GGT7: variants seen among roughly 807,000 people sequenced by gnomAD.
GGT7 encodes glutathione hydrolase 7.
In GGT7, 30 loss-of-function variants were observed where a neutral mutation model predicts 69.2. The observed-to-expected ratio is 0.43, with a 90% CI of 0.32 to 0.59. The LOEUF is 0.59. GGT7 is among the 20% of genes least tolerant of loss of function. The probability of loss-of-function intolerance (pLI) is 0.05; values close to 1 mark genes in which losing one functional copy is unlikely to be tolerated. For synonymous variants in GGT7, 388 were observed against 391.8 expected (o/e 0.99, Z 0.12); for missense variants, 733 against 901.1 (o/e 0.81, Z 2.39).
chr20:34,861,704 C>G, intron 3 of GGT7, 142 bp from the exon 4 acceptor site: 1 of 466,650 alleles, frequency 2.1e-6, no homozygotes, highest in Non-Finnish European at 3.7e-6. Flanking sequence ...CCCTCCCCAG[C>G]ATGGATTCAC....
At chr20:34,866,066 T>C (rs2079685237) in intron 1 of GGT7, among the ~76,000 whole-genome samples, 1 of 152,216 alleles carries the variant, frequency 6.6e-6, no homozygotes, top group Non-Finnish European at 1.5e-5. Context: ...ATAATAAACA[T>C]CTAAGCTCCT....
At chr20:34,861,343 T>TC in intron 4 of GGT7, 102 bp downstream of exon 4, 1 of 533,912 alleles carries the variant, frequency 1.9e-6, no homozygotes, top group South Asian at 4.0e-5. Context: ...CAACTCTTTT[T>TC]CCCACTCCCC....
Position 34,854,512 on chromosome 20 carries a change from G to A in GGT7, c.1319+19C>T, listed in dbSNP as rs758922429. 15 of 1,513,884 alleles carry A rather than the reference G, an allele frequency of 9.9e-6. No homozygotes were observed. The Admixed American group carries it at 2.5e-4, about 25-fold the overall frequency. The allele number at this position is 1,513,884 out of a possible 1,614,324, so 93.8% of individuals were successfully genotyped here. A position where few individuals can be genotyped will look rare whatever the true frequency, so the allele number is the denominator to read the frequency against. On this transcript the variant is annotated intron_variant, in intron 10 of 14. Transcript: ENST00000336431. ...CCCACCGCTGCCTCTGTAGCCCCCA[G>A]GTCCTGCCCAAGACCCACCTGAGCA...
rs1267262567 is a variant in GGT7, at chr20:34,859,954, C to G, written c.817+15G>C. On this transcript the variant is annotated intron_variant, in intron 6 of 14. Coordinates refer to ENST00000336431, the MANE Select transcript of GGT7 (RefSeq NM_178026.3). ...TCAACCTCATGTCTCTCCCAAATCC[C>G]CAGGCCCCACTGACCTAGATCATGA... The G allele has an allele frequency of 2.0e-6, 3 of 1,519,128 alleles. No individual in the cohort carries two copies. Among genetic ancestry groups the G allele is most frequent in the South Asian group, 1.2e-5 (1 of 83,620 alleles). The allele number at this position is 1,519,128 out of a possible 1,614,324, so 94.1% of individuals were successfully genotyped here.
At chr20:34,871,040 C>T (rs779164956) in intron 1 of GGT7, among the ~76,000 whole-genome samples, 8 of 152,154 alleles carry the variant, frequency 5.3e-5, no homozygotes, top group Non-Finnish European at 1.2e-4. Flanking sequence ...GATCCACCCA[C>T]CTCAGGCATG....
chr20:34,852,030 CTCT>C (rs2079402435), intron 12 of GGT7, 122 bp downstream of exon 12: 3 of 717,070 alleles, frequency 4.2e-6, no homozygotes, highest in South Asian at 1.6e-5. Flanking sequence ...TGAGGTGAAC[CTCT>C]TCTTTAGGCT....
Position 34,852,398 on chromosome 20 carries a change from G to A in GGT7, c.1460C>T (p.Ala487Val). 1.9e-6 allele frequency: 3 copies of A among 1,614,092 alleles called. No individual in the cohort carries two copies. The highest frequency in any genetic ancestry group is 2.5e-6 in the Non-Finnish European group (3 of 1,180,016). Reference sequence around the variant, plus strand: ...GTCTGAGCTGGCATACCTAACCATGGCCACAATGAAGTCATCAGGTCCCAT... The same window carrying A: ...GTCTGAGCTGGCATACCTAACCATGACCACAATGAAGTCATCAGGTCCCAT... ...LIMGPDDFIV[A>V]MVSSLNQPFG... Residue 487 changes from alanine to valine, a missense_variant, in exon 11 of 15, where the codon GCC becomes GTC. Ala to Val is a moderately conservative substitution (Grantham distance 64). Coordinates refer to ENST00000336431, the MANE Select transcript of GGT7 (RefSeq NM_178026.3).
In GGT7 at chr20:34,852,535, C is replaced by A; in HGVS notation, c.1323G>T (p.Lys441Asn). The A allele has an allele frequency of 6.3e-7, 1 of 1,575,924 alleles. No individual in the cohort carries two copies. Among genetic ancestry groups the A allele is most frequent in the Non-Finnish European group, 8.6e-7 (1 of 1,162,086 alleles). Residue 441 changes from lysine to asparagine, a missense_variant, in exon 11 of 15, where the codon AAG becomes AAT. Transcript: ENST00000336431. ...GGCCCCGGAGGTAGGCGGCCTCCAC[C>A]TTGCTGAAAAGACAAGGGGTGGGAG... is the stretch of plus-strand genomic sequence containing the variant. ...ITESMDDMLS[K>N]VEAAYLRGHI...
chr20:34,845,153 A>ACCACCACCACCAC lies in GGT7; in HGVS notation c.*174_*175insGTGGTGGTGGTGG. On this transcript the variant is annotated 3_prime_UTR_variant, in exon 15 of 15. Transcript: ENST00000336431. ...CACCACCACCACCACCACCACCACC[A>ACCACCACCACCAC]CAGGCCTCCTGATGGAGAATTTTCC... 1 of 283,586 alleles carries ACCACCACCACCAC rather than the reference A, an allele frequency of 3.5e-6. No homozygotes were observed. The highest frequency in any genetic ancestry group is 6.8e-6 in the Non-Finnish European group (1 of 147,638). The allele number at this position is 283,586 out of a possible 1,614,324, so 17.6% of individuals were successfully genotyped here. A position where few individuals can be genotyped will look rare whatever the true frequency, so the allele number is the denominator to read the frequency against.
intron 1 of GGT7, among the ~76,000 whole-genome samples, chr20:34,864,559 A>G (rs576624131): frequency 6.6e-6 from 1 of 151,998 alleles, no homozygotes; most frequent in African/African-American, 2.4e-5. Flanking sequence ...CGGCTCCACT[A>G]AAAATACAAA....
rs147267658 is a variant in GGT7, at chr20:34,854,895, C to T, written c.1131G>A (p.Pro377=). 3.8e-5 allele frequency: 62 copies of T among 1,613,610 alleles called. No individual in the cohort carries two copies. The African/African-American group carries it at 4.8e-4, about 13-fold the overall frequency. The change falls in exon 9 of 15, where the codon CCG becomes CCA. Residue 377 remains proline (P), a synonymous_variant. Transcript: ENST00000336431. ...CACTGATGAGGGCAGGGCCCGTGTGCGGAGGTGGGGGACTAAGAACCAGGT... is the reference window on the plus strand; with the variant it reads ...CACTGATGAGGGCAGGGCCCGTGTGTGGAGGTGGGGGACTAAGAACCAGGT... ...RGHLVLSPPP[P]HTGPALISAL...
At chr20:34,868,889 A>G (rs1398908670) in intron 1 of GGT7, among the ~76,000 whole-genome samples, 1 of 152,226 alleles carries the variant, frequency 6.6e-6, no homozygotes, top group Non-Finnish European at 1.5e-5. Flanking sequence ...AAGAAGGCAG[A>G]GCAAAAGATG....
chr20:34,849,888 G>C (rs779283400), intron 14 of GGT7, 73 bp downstream of exon 14: 4 of 846,944 alleles, frequency 4.7e-6, no homozygotes, highest in Non-Finnish European at 5.6e-6. Context: ...GTTGAGGCAT[G>C]GGCACCCTTG....
At chr20:34,871,049 T>A (rs1345437886) in intron 1 of GGT7, among the ~76,000 whole-genome samples, 1 of 152,172 alleles carries the variant, frequency 6.6e-6, no homozygotes, top group African/African-American at 2.4e-5. Flanking sequence ...ACCTCAGGCA[T>A]GAGCCACCGC....
intron 1 of GGT7, among the ~76,000 whole-genome samples, chr20:34,870,891 G>A (rs749529875): frequency 2.6e-5 from 4 of 151,644 alleles, no homozygotes; most frequent in East Asian, 1.9e-4. Context: ...TCCCCAGTTC[G>A]AGTGATTCTC....
Position 34,852,417 on chromosome 20 carries a change from G to T in GGT7, c.1441C>A (p.Pro481Thr), listed in dbSNP as rs2079411713. The T allele has an allele frequency of 6.2e-7, 1 of 1,613,976 alleles. No individual in the cohort carries two copies. Among genetic ancestry groups the T allele is most frequent in the Non-Finnish European group, 8.5e-7 (1 of 1,180,018 alleles). Residue 481 changes from proline to threonine, a missense_variant, in exon 11 of 15, where the codon CCT (proline) becomes ACT (threonine). Pro to Thr is a conservative substitution (Grantham distance 38). Transcript: ENST00000336431. ...PTAAQVLIMGPDDFIVAMVSS... is the reference protein window; with the variant it reads ...PTAAQVLIMGTDDFIVAMVSS... ...ACCATGGCCACAATGAAGTCATCAGGTCCCATGATCAGCACCTGGGCAGCC... is the reference window on the plus strand; with the variant it reads ...ACCATGGCCACAATGAAGTCATCAGTTCCCATGATCAGCACCTGGGCAGCC...
chr20:34,856,422 G>A (rs1040703282), intron 8 of GGT7, among the ~76,000 whole-genome samples: 1 of 152,118 alleles, frequency 6.6e-6, no homozygotes, highest in Non-Finnish European at 1.5e-5. Context: ...TGTCTTGAAA[G>A]GTTCATTCTA....
At chr20:34,846,216 G>A (rs2079302687) in intron 14 of GGT7, among the ~76,000 whole-genome samples, 1 of 151,924 alleles carries the variant, frequency 6.6e-6, no homozygotes, top group Non-Finnish European at 1.5e-5. Flanking sequence ...TCCACTAACT[G>A]GTCTCCCTGC....
chr20:34,852,346 C>T (rs1292717282), intron 11 of GGT7, 43 bp downstream of exon 11: 1 of 1,592,254 alleles, frequency 6.3e-7, no homozygotes, highest in East Asian at 2.2e-5. Flanking sequence ...CCTCTTGGTT[C>T]AGAGGATCCC....
Sources: allele counts gnomAD v4.1 joint callset (sites outside exome capture counted in the v4.1 genomes callset), GRCh38; gene constraint gnomAD v4.1.1; transcripts MANE v1.5; gene names NCBI Gene and HGNC (gene_info 2026-07-23, HGNC 2026-07-21).